Variants in MBP observed in about 807,000 individuals in gnomAD.
The protein encoded by MBP is Golli-MBP.
Under a neutral mutation model 35.8 loss-of-function variants are expected in MBP, and 16 were observed. That is an observed-to-expected ratio of 0.45 (90% CI 0.30 to 0.68). The LOEUF (loss-of-function observed/expected upper bound fraction) is 0.68, where lower values mean the gene tolerates loss of function less well. Among genes scored for constraint, MBP ranks in the 30% least tolerant of loss-of-function variants. The pLI, the probability that MBP is intolerant of heterozygous loss-of-function variation, is 0.08. For missense variants in MBP, 380 were observed against 404.7 expected, an observed-to-expected ratio of 0.94 and a Z score of 0.52; for synonymous variants, 143 against 159.6, an observed-to-expected ratio of 0.90 and a Z score of 0.78.
At chr18:77,082,108 T>C (rs921868225) in intron 2 of MBP, among the ~76,000 whole-genome samples, 2 of 151,972 alleles carry the variant, frequency 1.3e-5, no homozygotes, top group Non-Finnish European at 2.9e-5. Flanking sequence ...CGCCTCGGCC[T>C]CCCAAAGTGC....
chr18:77,042,282 G>T lies in MBP; in HGVS notation c.139+24016C>A, dbSNP rs149276562. 7.2e-3 allele frequency among the ~76,000 whole-genome samples: 1,044 copies of T among 145,622 alleles called. 17 individuals carry two copies. Among genetic ancestry groups the T allele is most frequent in the African/African-American group, 0.027 (947 of 35,366 alleles). ...GAAAACCTGGAAAACCTCCTGTTCGGTCTCCCCGGGGGACCTGACTCTCAG... is the reference window on the plus strand; with the variant it reads ...GAAAACCTGGAAAACCTCCTGTTCGTTCTCCCCGGGGGACCTGACTCTCAG... On this transcript the variant is annotated intron_variant, in intron 3 of 8. Transcript: ENST00000355994.
chr18:77,085,674 G>C (rs1975196014), intron 2 of MBP, among the ~76,000 whole-genome samples: 1 of 146,420 alleles, frequency 6.8e-6, no homozygotes, highest in Non-Finnish European at 1.5e-5. Context: ...GTGAGCATCA[G>C]TGCAATAAGT....
intron 2 of MBP, among the ~76,000 whole-genome samples, chr18:77,074,596 G>A (rs376875959): frequency 6.6e-6 from 1 of 152,066 alleles, no homozygotes; most frequent in Non-Finnish European, 1.5e-5. Flanking sequence ...GGAGATGCTC[G>A]GGGAACATGG....
intron 3 of MBP, among the ~76,000 whole-genome samples, chr18:77,019,727 C>A (rs543325783): frequency 8.5e-5 from 13 of 152,148 alleles, no homozygotes; most frequent in African/African-American, 1.2e-4. Context: ...AAGGTCCTTG[C>A]GGAAATGACA....
chr18:77,101,609 G>A lies in MBP; in HGVS notation c.51+3602C>T, dbSNP rs736421. Among the ~76,000 whole-genome samples, 47,395 of 152,048 alleles carry A rather than the reference G, an allele frequency of 0.31. 9,127 individuals are homozygous for A. The highest frequency in any genetic ancestry group is 0.49 in the South Asian group (2,344 of 4,822). On this transcript the variant is annotated intron_variant, in intron 2 of 8. Coordinates refer to ENST00000355994, the MANE Select transcript of MBP (RefSeq NM_001025101.2). The surrounding 1 kb of genome is among the most constrained non-coding windows in gnomAD (Gnocchi z 4.3). ...GGTGGCTCAACCACTTGTTACCAGG[G>A]ACCTGCACCCCATATGAGTGGACTA...
chr18:77,070,862 G>A (rs1410107274), intron 2 of MBP, among the ~76,000 whole-genome samples: 3 of 152,190 alleles, frequency 2.0e-5, no homozygotes, highest in East Asian at 3.8e-4. Context: ...CAGCCAGGAC[G>A]TCGGCGGGCG....
chr18:77,102,226 G>A lies in MBP; in HGVS notation c.51+2985C>T, dbSNP rs1976056392. On this transcript the variant is annotated intron_variant, in intron 2 of 8. Transcript: ENST00000355994. This position sits in a 1 kb window ranked among gnomAD's most constrained non-coding sequence, Gnocchi z 4.4. The stretch of plus-strand genomic sequence containing the variant: ...AGAGGCAGTGTGTGGGGTAGACCGG[G>A]CAGCCCCCACCGCAGCTGCCCTCCC... 6.6e-6 allele frequency among the ~76,000 whole-genome samples: 1 copy of A among 152,118 alleles called. No individual in the cohort carries two copies. Among genetic ancestry groups the A allele is most frequent in the Admixed American group, 6.5e-5 (1 of 15,272 alleles).
upstream of MBP, chr18:77,132,793 G>C (rs1285912119): frequency 6.6e-6 from 1 of 152,128 alleles, no homozygotes; most frequent in South Asian, 2.1e-4. Context: ...TGACGGCGGC[G>C]GCTCCGAGGG....
In MBP at chr18:76,980,486, A is replaced by G; in HGVS notation, c.871-15T>C. On this transcript the variant is annotated splice_polypyrimidine_tract_variant and intron_variant, in intron 8 of 8. Transcript: ENST00000355994. ...TCTCTTCCTCCCTGAAAAGGAAGAG[A>G]GAGGAGTTAGGACGAGAGTGCCGCA... The G allele has an allele frequency of 1.2e-6, 2 of 1,612,650 alleles. No homozygotes were observed. Among genetic ancestry groups the G allele is most frequent in the Non-Finnish European group, 1.7e-6 (2 of 1,178,932 alleles).
intron 7 of MBP, chr18:76,985,563 G>T: frequency 9.1e-7 from 1 of 1,100,334 alleles, no homozygotes. Flanking sequence ...GCTCGGACTG[G>T]GAGCAACAGG....
At chr18:77,036,803 C>T (rs1323434119) in intron 3 of MBP, among the ~76,000 whole-genome samples, 2 of 144,822 alleles carry the variant, frequency 1.4e-5, no homozygotes, top group Non-Finnish European at 3.0e-5. Flanking sequence ...TGAGCAAGTG[C>T]TGCTCACGTT....
Position 76,988,847 on chromosome 18 carries a change from A to T in MBP, c.717+30T>A. On this transcript the variant is annotated intron_variant, in intron 6 of 8. Coordinates refer to ENST00000355994, the MANE Select transcript of MBP (RefSeq NM_001025101.2). The surrounding 1 kb of genome is among the most constrained non-coding windows in gnomAD (Gnocchi z 5.2). ...TTAGAGAAGGTCTATCAGAAAAGTG[A>T]TGATCAATCAAAACATTCCAAGGTC... 1 of 1,603,670 alleles carries T rather than the reference A, an allele frequency of 6.2e-7. No individual in the cohort carries two copies. The highest frequency in any genetic ancestry group is 8.5e-7 in the Non-Finnish European group (1 of 1,173,130).
chr18:76,997,405 G>T (rs3794848), intron 4 of MBP, among the ~76,000 whole-genome samples: 49,541 of 152,106 alleles, frequency 0.33, 8,476 homozygotes, highest in East Asian at 0.53. Context: ...CCTCGCGGGT[G>T]AAATGATGGG....
intron 1 of MBP, among the ~76,000 whole-genome samples, chr18:77,120,157 T>C (rs1976845389): frequency 6.6e-6 from 1 of 152,266 alleles, no homozygotes; most frequent in Non-Finnish European, 1.5e-5. Context: ...TCTCGCTTGG[T>C]GCGAGCATTC....
At chr18:77,049,284 T>A (rs1973386963) in intron 3 of MBP, among the ~76,000 whole-genome samples, 1 of 152,232 alleles carries the variant, frequency 6.6e-6, no homozygotes, top group Non-Finnish European at 1.5e-5. Flanking sequence ...TTCTGGGGCA[T>A]AAAAACTGTT....
chr18:76,987,150 C>A, intron 7 of MBP: 2 of 985,480 alleles, frequency 2.0e-6, no homozygotes, highest in Non-Finnish European at 2.4e-6. Flanking sequence ...CCCCCCATCG[C>A]TCCACATTCA....
chr18:77,046,424 G>A (rs1017368177), intron 3 of MBP, among the ~76,000 whole-genome samples: 2 of 152,238 alleles, frequency 1.3e-5, no homozygotes, highest in African/African-American at 4.8e-5. Context: ...CACTGGCATG[G>A]TTCATCCACG....
chr18:76,997,722 C>T (rs2974262), intron 4 of MBP, among the ~76,000 whole-genome samples: 7 of 149,970 alleles, frequency 4.7e-5, no homozygotes, highest in Non-Finnish European at 6.0e-5. Flanking sequence ...TCACTTTGTC[C>T]CCCAGGCTGG....
rs769024485 is a variant in MBP, at chr18:76,991,399, CAG to C, written c.577-1341_577-1340del. On this transcript the variant is annotated intron_variant, in intron 4 of 8. Coordinates refer to ENST00000355994, the MANE Select transcript of MBP (RefSeq NM_001025101.2). ...ATGAGCGCCCGGGGGCAGGGGAACA[CAG>C]GGGACATGGGGGCAGGTGACACAGG... Among the ~76,000 whole-genome samples, 6 of 152,158 alleles carry C rather than the reference CAG, an allele frequency of 3.9e-5. 1 individual carries two copies. The Middle Eastern group carries it at 0.01, about 259-fold the overall frequency.
Sources: gnomAD v4.1 joint callset for allele counts (sites outside exome capture counted in the v4.1 genomes callset) on GRCh38, gnomAD v4.1.1 for gene constraint, Gnocchi (gnomAD v3.1) non-coding constraint, MANE v1.5 for transcripts, NCBI Gene and HGNC (gene_info 2026-07-23, HGNC 2026-07-21) for gene names.